HSD11B1L: variants seen among roughly 807,000 people sequenced by gnomAD.
HSD11B1L encodes the protein hydroxysteroid 11-beta-dehydrogenase 1-like protein.
A neutral mutation model predicts 27.0 loss-of-function variants in HSD11B1L; 22 were observed. The observed-to-expected ratio is 0.81, with a 90% CI of 0.58 to 1.16. The LOEUF is 1.16. HSD11B1L is among the 50% of genes most tolerant of loss of function. The pLI is 0.00. For synonymous variants in HSD11B1L, 187 were observed against 189.2 expected, an observed-to-expected ratio of 0.99 and a Z score of 0.09; for missense variants, 372 against 401.8, an observed-to-expected ratio of 0.93 and a Z score of 0.63.
chr19:5,686,620 C>G, intron 4 of HSD11B1L, 93 bp downstream of exon 4: 1 of 968,302 alleles, frequency 1.0e-6, no homozygotes. Flanking sequence ...GCCACAGTAA[C>G]AGGTGTCTCA....
At chr19:5,682,730 A>G (rs1599416160) in intron 1 of HSD11B1L, among the ~76,000 whole-genome samples, 1 of 148,358 alleles carries the variant, frequency 6.7e-6, no homozygotes, top group East Asian at 2.0e-4. Context: ...TGGGAGATTT[A>G]GGGACTCCTC....
At position 5,687,036 on chromosome 19, in the gene HSD11B1L, G is replaced by C. The variant is rs1192775480; in HGVS notation, c.408+45G>C. Reference sequence around the variant, plus strand: ...CCCCGGCCCGCCCCTCTATCTCAGGGACCGGTGGTCCGTTCCCTTCGCGGT... The same window carrying C: ...CCCCGGCCCGCCCCTCTATCTCAGGCACCGGTGGTCCGTTCCCTTCGCGGT... On this transcript the variant is annotated intron_variant, in intron 5 of 7. Coordinates refer to ENST00000339423, the MANE Select transcript of HSD11B1L (RefSeq NM_198706.3). The surrounding 1 kb of genome is among the most constrained non-coding windows in gnomAD (Gnocchi z 6.6). The C allele has an allele frequency of 1.4e-6, 2 of 1,480,484 alleles. No homozygotes were observed. Among genetic ancestry groups the C allele is most frequent in the Non-Finnish European group, 1.8e-6 (2 of 1,093,840 alleles). The allele number at this position is 1,480,484 out of a possible 1,614,324, so 91.7% of individuals were successfully genotyped here. A position where few individuals can be genotyped will look rare whatever the true frequency, so the allele number is the denominator to read the frequency against.
rs1423961731 is a variant in HSD11B1L at position 5,686,878 on chromosome 19, C to G, written c.317-22C>G. 3.3e-6 allele frequency: 5 copies of G among 1,530,608 alleles called. No homozygotes were observed. In the South Asian group the frequency reaches 3.7e-5, roughly 11 times the overall value. 94.8% of individuals were successfully genotyped at this position (1,530,608 alleles called of 1,614,324 possible). A position where few individuals can be genotyped will look rare whatever the true frequency, so the allele number is the denominator to read the frequency against. ...TTTCCTTGGGGAGGGGCCTCCGGGGCTGACCGGCGTTTCTGGGCCAGGCGG... is the reference window on the plus strand; with the variant it reads ...TTTCCTTGGGGAGGGGCCTCCGGGGGTGACCGGCGTTTCTGGGCCAGGCGG... On this transcript the variant is annotated intron_variant, in intron 4 of 7. Coordinates refer to ENST00000339423, the MANE Select transcript of HSD11B1L (RefSeq NM_198706.3).
rs1599427514 is a variant in HSD11B1L, at chr19:5,686,904, G to A, written c.321G>A (p.Gly107=). ...VVQFALDKLG[G]LDYLVLNHIG... is the part of the protein sequence containing the mutation. ...TGACCGGCGTTTCTGGGCCAGGCGG[G>A]CTGGACTACCTCGTGCTGAACCACA... Residue 107 remains glycine, a synonymous_variant, in exon 5 of 8, where the codon GGG becomes GGA. Transcript: ENST00000339423. The A allele has an allele frequency of 6.5e-7, 1 of 1,547,830 alleles. No individual in the cohort carries two copies. The highest frequency in any genetic ancestry group is 8.7e-7 in the Non-Finnish European group (1 of 1,146,316).
chr19:5,686,948 G>A lies in HSD11B1L; in HGVS notation c.365G>A (p.Gly122Asp), dbSNP rs772922135. ...AACCACATCGGCGGCGCCCCGGCCG[G>A]CACGCGAGCCCGCAGCCCCCAGGCA... is the stretch of plus-strand genomic sequence containing the variant. ...VLNHIGGAPA[G>D]TRARSPQATR... Residue 122 changes from glycine to aspartate, a missense_variant, in exon 5 of 8, where the codon GGC becomes GAC. By Grantham distance (94) the Gly-to-Asp change is moderately conservative. Transcript: ENST00000339423. 1.4e-5 allele frequency: 21 copies of A among 1,552,590 alleles called. No homozygotes were observed. The African/African-American group carries it at 2.5e-4, about 18-fold the overall frequency.
At chr19:5,682,248 A>G (rs1000919098) in intron 1 of HSD11B1L, among the ~76,000 whole-genome samples, 5 of 152,146 alleles carry the variant, frequency 3.3e-5, no homozygotes, top group Admixed American at 3.3e-4. Flanking sequence ...TTTGACACAG[A>G]CGCCTTTGGC....
At chr19:5,681,632 A>G (rs1469216378) in intron 1 of HSD11B1L, among the ~76,000 whole-genome samples, 11 of 151,266 alleles carry the variant, frequency 7.3e-5, no homozygotes, top group Admixed American at 7.2e-4. Flanking sequence ...CCATCCATCC[A>G]TCCATCCATC....
intron 1 of HSD11B1L, among the ~76,000 whole-genome samples, chr19:5,681,844 C>A (rs1441756167): frequency 6.6e-6 from 1 of 152,230 alleles, no homozygotes; most frequent in Admixed American, 6.5e-5. Flanking sequence ...TCCATACATG[C>A]ATCTGTCCAT....
intron 1 of HSD11B1L, chr19:5,684,477 G>A (rs749736998): frequency 1.1e-5 from 5 of 455,676 alleles, no homozygotes; most frequent in Non-Finnish European, 2.0e-5. Flanking sequence ...GTCTGTTTTA[G>A]TGGAGCGGAG....
At chr19:5,686,351 G>C (rs1452978978) in intron 3 of HSD11B1L, 65 bp from the exon 4 acceptor site, 2 of 1,125,516 alleles carry the variant, frequency 1.8e-6, no homozygotes, top group Non-Finnish European at 2.5e-6. Flanking sequence ...ATGGCCAGCA[G>C]GTGCGGTGGA....
intron 4 of HSD11B1L, 40 bp from the exon 5 acceptor site, chr19:5,686,859 TG>T: frequency 6.7e-7 from 1 of 1,483,960 alleles, no homozygotes; most frequent in Non-Finnish European, 9.1e-7. Flanking sequence ...ATCGTTTCCT[TG>T]GGGAGGGGCC....
At position 5,681,270 on chromosome 19, in the gene HSD11B1L, G is replaced by C. The variant is rs1327093728; in HGVS notation, c.-16G>C. On this transcript the variant is annotated splice_region_variant and 5_prime_UTR_variant, in exon 1 of 8. Coordinates refer to ENST00000339423, the MANE Select transcript of HSD11B1L (RefSeq NM_198706.3). Reference sequence around the variant, plus strand: ...CAGTGGGGGAAACTGAGGCCTGAGCGGGTGAGTGCACGGTTTAGGGGTGCG... The same window carrying C: ...CAGTGGGGGAAACTGAGGCCTGAGCCGGTGAGTGCACGGTTTAGGGGTGCG... 1 of 152,512 alleles carries C rather than the reference G, an allele frequency of 6.6e-6. No homozygotes were observed. Among genetic ancestry groups the C allele is most frequent in the Non-Finnish European group, 1.5e-5 (1 of 68,220 alleles). 9.4% of individuals were successfully genotyped at this position (152,512 alleles called of 1,614,324 possible).
intron 1 of HSD11B1L, among the ~76,000 whole-genome samples, chr19:5,682,340 T>C (rs1259613817): frequency 1.2e-4 from 18 of 151,256 alleles, no homozygotes; most frequent in Admixed American, 1.2e-3. Flanking sequence ...AAATCGGAGA[T>C]GGAAGGGAGG....
chr19:5,687,391 C>T lies in HSD11B1L; in HGVS notation c.502+16C>T, dbSNP rs1385864674. 1.2e-6 allele frequency: 2 copies of T among 1,609,640 alleles called. No individual in the cohort carries two copies. Among genetic ancestry groups the T allele is most frequent in the Non-Finnish European group, 1.7e-6 (2 of 1,179,208 alleles). The stretch of plus-strand genomic sequence containing the variant: ...TCGCTGCTCGGTGCGTGCACCCGGC[C>T]CCGGCTCTGCGGGACGGGGAGTGGG... On this transcript the variant is annotated intron_variant, in intron 6 of 7. Coordinates refer to ENST00000339423, the MANE Select transcript of HSD11B1L (RefSeq NM_198706.3). The surrounding 1 kb of genome is among the most constrained non-coding windows in gnomAD (Gnocchi z 6.6).
At position 5,685,529 on chromosome 19, in the gene HSD11B1L, TG is replaced by T. The variant is rs2054666217; in HGVS notation, c.204+412del. 3.9e-6 allele frequency: 1 copy of T among 256,096 alleles called. No homozygotes were observed. The highest frequency in any genetic ancestry group is 5.0e-5 in the Admixed American group (1 of 20,180). The allele number at this position is 256,096 out of a possible 1,614,324, so 15.9% of individuals were successfully genotyped here. A position where few individuals can be genotyped will look rare whatever the true frequency, so the allele number is the denominator to read the frequency against. ...GAGTTCAAAACCAGCCTGGCCAACA[TG>T]GTGAAACCCTGTCTCTACTAAAAAT... On this transcript the variant is annotated intron_variant, in intron 3 of 7. Coordinates refer to ENST00000339423, the MANE Select transcript of HSD11B1L (RefSeq NM_198706.3). The surrounding 1 kb of genome is among the most constrained non-coding windows in gnomAD (Gnocchi z 4.3).
chr19:5,686,860 G>T (rs1191027085), intron 4 of HSD11B1L, 40 bp from the exon 5 acceptor site: 1 of 1,485,660 alleles, frequency 6.7e-7, no homozygotes, highest in South Asian at 1.3e-5. Flanking sequence ...TCGTTTCCTT[G>T]GGGAGGGGCC....
intron 1 of HSD11B1L, among the ~76,000 whole-genome samples, chr19:5,681,620 G>GTCCGTCCA (rs550419328): frequency 6.7e-6 from 1 of 149,512 alleles, no homozygotes; most frequent in Non-Finnish European, 1.5e-5. Context: ...TCATCTATCC[G>GTCCGTCCA]TCCATCCATC....
chr19:5,684,492 C>T, intron 1 of HSD11B1L: 1 of 486,998 alleles, frequency 2.1e-6, no homozygotes, highest in South Asian at 3.2e-5. Context: ...GCGGAGTGAG[C>T]AAGGAGGACA....
intron 1 of HSD11B1L, among the ~76,000 whole-genome samples, chr19:5,681,783 C>G (rs28652659): frequency 6.6e-6 from 1 of 152,150 alleles, no homozygotes. Context: ...ATCCATCCAC[C>G]CATCCATCTA....
Sources: gnomAD v4.1 joint callset for allele counts (sites outside exome capture counted in the v4.1 genomes callset) on GRCh38, gnomAD v4.1.1 for gene constraint, Gnocchi (gnomAD v3.1) non-coding constraint, MANE v1.5 for transcripts, NCBI Gene and HGNC (gene_info 2026-07-23, HGNC 2026-07-21) for gene names.